Variants in TRPC4AP observed in about 807,000 individuals in gnomAD.
The protein encoded by TRPC4AP is short transient receptor potential channel 4-associated protein.
A neutral mutation model predicts 99.0 loss-of-function variants in TRPC4AP; 45 were observed. The observed-to-expected ratio is 0.45, with a 90% CI of 0.36 to 0.58. The LOEUF is 0.58. Ranked by LOEUF, TRPC4AP falls within the 20% of genes least tolerant of loss-of-function variation. TRPC4AP has a pLI of 0.00. For synonymous variants in TRPC4AP, 408 were observed against 385.8 expected (o/e 1.06, Z -0.67); for missense variants, 879 against 985.3 (o/e 0.89, Z 1.44).
intron 8 of TRPC4AP, among the ~76,000 whole-genome samples, chr20:35,021,918 T>C (rs566033121): frequency 4.7e-4 from 72 of 152,366 alleles, no homozygotes; most frequent in African/African-American, 1.7e-3. Context: ...GAACATATTA[T>C]CTACAGGCAG....
At chr20:35,090,784 A>C (rs960116713) in intron 1 of TRPC4AP, among the ~76,000 whole-genome samples, 8 of 152,152 alleles carry the variant, frequency 5.3e-5, no homozygotes, top group African/African-American at 1.9e-4. Context: ...GTGGCTCCCT[A>C]TTATTCTCAG....
Position 35,004,486 on chromosome 20 carries a change from T to A in TRPC4AP, c.2021A>T (p.Asn674Ile), listed in dbSNP as rs747163543. 3.7e-6 allele frequency: 6 copies of A among 1,614,022 alleles called. No individual in the cohort carries two copies. Among genetic ancestry groups the A allele is most frequent in the East Asian group, 4.5e-5 (2 of 44,880 alleles). The stretch of plus-strand genomic sequence containing the variant: ...GGTCAGCGTCTGCACGTGGATGATG[T>A]TGATGAGGCGGAAGAGGAAGGACAT... ...TQMSFLFRLI[N>I]IIHVQTLTQE... is the part of the protein sequence containing the mutation. The change falls in exon 17 of 19, where the codon AAC becomes ATC. Residue 674 changes from asparagine (N) to isoleucine (I), a missense_variant. Physicochemically the swap from Asn to Ile is moderately radical, Grantham distance 149. This residue lies in a region of TRPC4AP where 224 missense variants were observed against 264.7 expected (regional missense o/e 0.85). Transcript: ENST00000252015.
intron 8 of TRPC4AP, among the ~76,000 whole-genome samples, chr20:35,024,825 C>CCAAAAAA (rs1555904985): frequency 0.011 from 401 of 35,700 alleles, 51 homozygotes; most frequent in Middle Eastern, 0.048. Context: ...GAGACCGTCT[C>CCAAAAAA]AAAAAAAAAA....
rs755052500 is a variant in TRPC4AP, at chr20:35,006,462, G to A, written c.1800C>T (p.Phe600=). 3.1e-6 allele frequency: 5 copies of A among 1,614,082 alleles called. No homozygotes were observed. Among genetic ancestry groups the A allele is most frequent in the Non-Finnish European group, 3.4e-6 (4 of 1,180,048 alleles). ...MKFNVDAFKR[F]NKYINTDAKF... ...TTGCATCGGTGTTGATATATTTATT[G>A]AATCTCTTGAATGCATCAACGTTGA... is the stretch of plus-strand genomic sequence containing the variant. Residue 600 remains phenylalanine (F), a synonymous_variant, in exon 15 of 19, where the codon TTC becomes TTT. Transcript: ENST00000252015.
chr20:35,028,567 T>C (rs1333590795), intron 8 of TRPC4AP, among the ~76,000 whole-genome samples: 1 of 152,224 alleles, frequency 6.6e-6, no homozygotes, highest in Non-Finnish European at 1.5e-5. Context: ...TTAAATTTGC[T>C]GAACTTTTTT....
At chr20:35,025,358 A>AT (rs904366545) in intron 8 of TRPC4AP, among the ~76,000 whole-genome samples, 37 of 151,574 alleles carry the variant, frequency 2.4e-4, no homozygotes, top group Admixed American at 1.4e-3. Context: ...CCGAAACAAA[A>AT]TTTTTTTTTG....
chr20:35,052,098 G>GTTT (rs5841189), intron 5 of TRPC4AP, among the ~76,000 whole-genome samples: 2 of 138,050 alleles, frequency 1.4e-5, no homozygotes. Flanking sequence ...TTTTTTTTTG[G>GTTT]TTTTTTTTTT....
At position 35,044,730 on chromosome 20, in the gene TRPC4AP, G is replaced by A. The variant is rs753069656; in HGVS notation, c.658-18C>T. ...ATCATTTCCTACAGAAGACAAAAAT[G>A]AAACAATCCCCATGCTCAATTCACT... is the stretch of plus-strand genomic sequence containing the variant. On this transcript the variant is annotated intron_variant, in intron 6 of 18. Coordinates refer to ENST00000252015, the MANE Select transcript of TRPC4AP (RefSeq NM_015638.3). 6.2e-7 allele frequency: 1 copy of A among 1,611,336 alleles called. No homozygotes were observed. The highest frequency in any genetic ancestry group is 1.7e-5 in the Admixed American group (1 of 59,996).
intron 12 of TRPC4AP, among the ~76,000 whole-genome samples, chr20:35,009,659 A>G (rs559323613): frequency 6.6e-6 from 1 of 152,274 alleles, no homozygotes; most frequent in South Asian, 2.1e-4. Context: ...ACAAAACAAA[A>G]CAAACAAACA....
chr20:35,028,892 G>A (rs2083096907), intron 8 of TRPC4AP, among the ~76,000 whole-genome samples: 1 of 152,050 alleles, frequency 6.6e-6, no homozygotes, highest in Admixed American at 6.5e-5. Context: ...CTTCTTGATG[G>A]TTTCACCCTG....
chr20:35,064,645 G>GA (rs1203630427), intron 3 of TRPC4AP, among the ~76,000 whole-genome samples: 1 of 152,240 alleles, frequency 6.6e-6, no homozygotes, highest in Admixed American at 6.5e-5. Flanking sequence ...GGAGGGAAAA[G>GA]AAAGAAGTCT....
intron 1 of TRPC4AP, among the ~76,000 whole-genome samples, chr20:35,088,389 TAC>T (rs1224440082): frequency 6.6e-6 from 1 of 152,184 alleles, no homozygotes; most frequent in African/African-American, 2.4e-5. Context: ...GCTTGGCAAG[TAC>T]AGACAGAAAT....
chr20:35,021,010 TC>T (rs1279309329), intron 9 of TRPC4AP, among the ~76,000 whole-genome samples, 179 bp downstream of exon 9: 2 of 152,090 alleles, frequency 1.3e-5, no homozygotes, highest in African/African-American at 4.8e-5. Context: ...GTGAAAAGAC[TC>T]CCGGTTCTGG....
intron 2 of TRPC4AP, among the ~76,000 whole-genome samples, chr20:35,077,140 C>T (rs1003030451): frequency 6.6e-6 from 1 of 152,096 alleles, no homozygotes; most frequent in South Asian, 2.1e-4. Context: ...TGGGAGTGTC[C>T]CGATTTTCTG....
At chr20:35,037,265 T>A (rs1238543411) in intron 7 of TRPC4AP, among the ~76,000 whole-genome samples, 13 of 142,942 alleles carry the variant, frequency 9.1e-5, no homozygotes, top group Admixed American at 7.6e-4. Context: ...GAGAATGGCG[T>A]GAACCCAGGA....
Position 35,024,854 on chromosome 20 carries a change from A to AAAAAAAAAAAAAT in TRPC4AP, c.1052-3499_1052-3498insATTTTTTTTTTTT, listed in dbSNP as rs1479270980. Among the ~76,000 whole-genome samples, 95 of 89,458 alleles carry AAAAAAAAAAAAAT rather than the reference A, an allele frequency of 1.1e-3. 22 individuals carry two copies. Among genetic ancestry groups the AAAAAAAAAAAAAT allele is most frequent in the East Asian group, 2.2e-3 (5 of 2,278 alleles). The allele number at this position is 89,458 out of a possible 152,430, so 58.7% of individuals were successfully genotyped here. A position where few individuals can be genotyped will look rare whatever the true frequency, so the allele number is the denominator to read the frequency against. On this transcript the variant is annotated intron_variant, in intron 8 of 18. Transcript: ENST00000252015. ...AAAAAAAAAAAAAAAAAAAAAAAAA[A>AAAAAAAAAAAAAT]ATTCTGTTTATTCATTAATCAGGTG... is the stretch of plus-strand genomic sequence containing the variant.
chr20:35,059,150 T>C (rs1348176840), intron 3 of TRPC4AP, among the ~76,000 whole-genome samples: 1 of 152,176 alleles, frequency 6.6e-6, no homozygotes, highest in Non-Finnish European at 1.5e-5. Context: ...GCTGGCTCTT[T>C]GAAGACTGGC....
intron 8 of TRPC4AP, among the ~76,000 whole-genome samples, chr20:35,023,825 C>T (rs1485769999): frequency 6.6e-6 from 1 of 152,238 alleles, no homozygotes; most frequent in Non-Finnish European, 1.5e-5. Context: ...GCACACAAGT[C>T]CTACTGAGAA....
intron 16 of TRPC4AP, 110 bp downstream of exon 16, chr20:35,005,585 C>G: frequency 2.0e-6 from 2 of 1,019,740 alleles, no homozygotes; most frequent in African/African-American, 3.2e-5. Flanking sequence ...GCCACGTGGG[C>G]ATCTGGTGCA....
Sources: allele counts gnomAD v4.1 joint callset (sites outside exome capture counted in the v4.1 genomes callset), GRCh38; gene constraint gnomAD v4.1.1; regional missense constraint gnomAD v4.1.1; transcripts MANE v1.5; gene names NCBI Gene and HGNC (gene_info 2026-07-23, HGNC 2026-07-21).